SYNPO2L: variants seen among roughly 807,000 people sequenced by gnomAD.
SYNPO2L encodes the protein synaptopodin 2 like, also known as synaptopodin 2-like protein.
A neutral mutation model predicts 47.5 loss-of-function variants in SYNPO2L; 34 were observed. The ratio of observed to expected loss-of-function variants is 0.72; its 90% CI spans 0.54 to 0.95. The LOEUF is 0.95. SYNPO2L is among the 40% of genes least tolerant of loss of function. The probability of loss-of-function intolerance (pLI) is 0.00; values close to 1 mark genes in which losing one functional copy is unlikely to be tolerated. For missense variants in SYNPO2L, 1,246 were observed against 1,282.0 expected, an observed-to-expected ratio of 0.97 and a Z score of 0.43; for synonymous variants, 536 against 524.9, an observed-to-expected ratio of 1.02 and a Z score of -0.29.
intron 3 of SYNPO2L, chr10:73,651,051 A>G: frequency 6.3e-7 from 1 of 1,584,754 alleles, no homozygotes; most frequent in Non-Finnish European, 8.6e-7. Context: ...AGCTTGAGCC[A>G]CCCCCCACGC....
In SYNPO2L at chr10:73,647,290, T is replaced by G. The variant is rs1013228462; in HGVS notation, c.2362A>C (p.Ser788Arg). The G allele has an allele frequency of 1.2e-6, 2 of 1,614,064 alleles. No homozygotes were observed. Among genetic ancestry groups the G allele is most frequent in the Non-Finnish European group, 8.5e-7 (1 of 1,179,986 alleles). ...PGPGLGPRPR[S>R]PSPTPSLPPS... ...GGCAGAGACGGGGTAGGAGAAGGAC[T>G]TCTAGGCCGAGGGCCAAGACCAGGA... The change falls in exon 4 of 4, where the codon AGT becomes CGT. Residue 788 changes from serine to arginine, a missense_variant. Physicochemically the swap from Ser to Arg is moderately radical, Grantham distance 110. Coordinates refer to ENST00000394810, the MANE Select transcript of SYNPO2L (RefSeq NM_001114133.3).
chr10:73,655,694 ACC>A, intron 1 of SYNPO2L, 122 bp downstream of exon 1: 1 of 62,960 alleles, frequency 1.6e-5, no homozygotes, highest in Non-Finnish European at 3.2e-5. Context: ...TTCCCTGCCC[ACC>A]ACCCACCCCA....
At position 73,648,078 on chromosome 10, in the gene SYNPO2L, A is replaced by G; in HGVS notation, c.1574T>C (p.Val525Ala). The change falls in exon 4 of 4, where the codon GTT becomes GCT. Residue 525 changes from valine to alanine, a missense_variant. Physicochemically the swap from Val to Ala is moderately conservative, Grantham distance 64. Transcript: ENST00000394810. ...PTPLPSFTSG[V>A]PSHAPVSGSP... is the part of the protein sequence containing the mutation. ...ACCAGAGACTGGCGCGTGGCTGGGA[A>G]CCCCTGAAGTGAAGCTGGGCAGAGG... 1 of 1,565,146 alleles carries G rather than the reference A, an allele frequency of 6.4e-7. No individual in the cohort carries two copies. The highest frequency in any genetic ancestry group is 1.2e-5 in the South Asian group (1 of 83,952).
intron 3 of SYNPO2L, among the ~76,000 whole-genome samples, chr10:73,651,256 G>A (rs1164796503): frequency 6.6e-6 from 1 of 152,112 alleles, no homozygotes; most frequent in African/African-American, 2.4e-5. Flanking sequence ...ATATCTCTGA[G>A]CCAGTAGCTA....
Position 73,645,859 on chromosome 10 carries a change from C to T in SYNPO2L, c.*859G>A. The T allele has an allele frequency of 1.0e-6, 1 of 984,880 alleles. No individual in the cohort carries two copies. The highest frequency in any genetic ancestry group is 6.1e-5 in the Admixed American group (1 of 16,280). 61.0% of individuals were successfully genotyped at this position (984,880 alleles called of 1,614,324 possible). A position where few individuals can be genotyped will look rare whatever the true frequency, so the allele number is the denominator to read the frequency against. ...GTTTGTTTTGAGACAGAGTCTCGCT[C>T]CGTCGCCCAGGCTGGAGTGCAGTGG... On this transcript the variant is annotated 3_prime_UTR_variant, in exon 4 of 4. Transcript: ENST00000394810.
At position 73,647,052 on chromosome 10, in the gene SYNPO2L, A is replaced by T; in HGVS notation, c.2600T>A (p.Val867Asp). The T allele has an allele frequency of 6.2e-7, 1 of 1,613,752 alleles. No individual in the cohort carries two copies. Among genetic ancestry groups the T allele is most frequent in the Non-Finnish European group, 8.5e-7 (1 of 1,179,890 alleles). ...LKTAMFCFDEVPPTPGPIASG... is the reference protein window; with the variant it reads ...LKTAMFCFDEDPPTPGPIASG... ...GGCGATAGGGCCAGGAGTCGGGGGA[A>T]CCTCATCAAAACAGAACATGGCAGT... The change falls in exon 4 of 4, where the codon GTT becomes GAT. Residue 867 changes from valine to aspartate, a missense_variant. By Grantham distance (152) the Val-to-Asp change is radical. Transcript: ENST00000394810.
intron 1 of SYNPO2L, among the ~76,000 whole-genome samples, chr10:73,655,280 G>C (rs1050526548): frequency 6.6e-6 from 1 of 152,168 alleles, no homozygotes; most frequent in Non-Finnish European, 1.5e-5. Context: ...TGTGAGGCCA[G>C]ATCTTGCCAT....
intron 3 of SYNPO2L, among the ~76,000 whole-genome samples, chr10:73,652,365 C>T (rs2081848329): frequency 6.6e-6 from 1 of 152,030 alleles, no homozygotes; most frequent in Admixed American, 6.5e-5. Context: ...GTTGTCCAGG[C>T]TGGTCTCAAA....
chr10:73,648,990 A>T, intron 3 of SYNPO2L, 111 bp from the exon 4 acceptor site: 2 of 1,347,956 alleles, frequency 1.5e-6, no homozygotes, highest in Non-Finnish European at 1.9e-6. Flanking sequence ...CACTGACCCG[A>T]CCCACAATGT....
At position 73,645,860 on chromosome 10, in the gene SYNPO2L, C is replaced by CGT. The variant is rs2081741329; in HGVS notation, c.*856_*857dup. The CGT allele has an allele frequency of 1.0e-6, 1 of 985,446 alleles. No homozygotes were observed. Among genetic ancestry groups the CGT allele is most frequent in the African/African-American group, 1.7e-5 (1 of 57,172 alleles). The allele number at this position is 985,446 out of a possible 1,614,324, so 61.0% of individuals were successfully genotyped here. On this transcript the variant is annotated 3_prime_UTR_variant, in exon 4 of 4. Transcript: ENST00000394810. ...TTTGTTTTGAGACAGAGTCTCGCTCCGTCGCCCAGGCTGGAGTGCAGTGGC... is the reference window on the plus strand; with the variant it reads ...TTTGTTTTGAGACAGAGTCTCGCTCCGTGTCGCCCAGGCTGGAGTGCAGTGGC...
rs139351387 is a variant in SYNPO2L at position 73,648,382 on chromosome 10, G to C, written c.1270C>G (p.Arg424Gly). The C allele has an allele frequency of 4.4e-5, 71 of 1,606,988 alleles. No homozygotes were observed. The highest frequency in any genetic ancestry group is 6.0e-5 in the Non-Finnish European group (71 of 1,179,644). ...LNGEGLQSPP[R>G]AQSAPPEAAV... ...GCCTCTGGGGGAGCACTCTGGGCCC[G>C]AGGTGGTGACTGCAGGCCTTCCCCG... The change falls in exon 4 of 4, where the codon CGG (arginine) becomes GGG (glycine). Residue 424 changes from arginine (R) to glycine (G), a missense_variant. Coordinates refer to ENST00000394810, the MANE Select transcript of SYNPO2L (RefSeq NM_001114133.3).
In SYNPO2L at chr10:73,648,731, C is replaced by T. The variant is rs753926604; in HGVS notation, c.921G>A (p.Lys307=). ...MFKKRRQRAK[K]YTLVSFGAAA... is the part of the protein sequence containing the mutation. Reference sequence around the variant, plus strand: ...CAGCCCCGAAGCTCACCAGGGTGTACTTCTTGGCTCTCTGCCGCCGTTTCT... The same window carrying T: ...CAGCCCCGAAGCTCACCAGGGTGTATTTCTTGGCTCTCTGCCGCCGTTTCT... The change falls in exon 4 of 4, where the codon AAG becomes AAA. Residue 307 remains lysine (K), a synonymous_variant. Coordinates refer to ENST00000394810, the MANE Select transcript of SYNPO2L (RefSeq NM_001114133.3). The T allele has an allele frequency of 1.2e-6, 2 of 1,612,604 alleles. No homozygotes were observed. Among genetic ancestry groups the T allele is most frequent in the Non-Finnish European group, 8.5e-7 (1 of 1,178,964 alleles).
chr10:73,648,122 C>G lies in SYNPO2L; in HGVS notation c.1530G>C (p.Leu510Phe), dbSNP rs1193500156. The G allele has an allele frequency of 6.5e-7, 1 of 1,533,314 alleles. No homozygotes were observed. The highest frequency in any genetic ancestry group is 8.8e-7 in the Non-Finnish European group (1 of 1,142,240). The allele number at this position is 1,533,314 out of a possible 1,614,324, so 95.0% of individuals were successfully genotyped here. Residue 510 changes from leucine to phenylalanine, a missense_variant, in exon 4 of 4, where the codon TTG becomes TTC. Leu to Phe is a conservative substitution (Grantham distance 22). Transcript: ENST00000394810. ...GGLSPAPPPF[L>F]SSQGPTPLPS... is the part of the protein sequence containing the mutation. The stretch of plus-strand genomic sequence containing the variant: ...GCAGAGGGGTGGGCCCCTGCGAAGA[C>G]AAGAAGGGGGGTGGGGCGGGGCTGA...
chr10:73,648,542 C>T lies in SYNPO2L; in HGVS notation c.1110G>A (p.Glu370=), dbSNP rs760167416. Residue 370 remains glutamate, a synonymous_variant, in exon 4 of 4, where the codon GAG becomes GAA. Transcript: ENST00000394810. ...GCCCTCCCAGCCCAGAGCCCTGGCC[C>T]TCTGATGCTCTTGAGCCCGCCCTGG... ...ELARAGSRAS[E]GQGSGLGGQL... is the part of the protein sequence containing the mutation. 3.1e-6 allele frequency: 5 copies of T among 1,614,058 alleles called. No homozygotes were observed. The highest frequency in any genetic ancestry group is 1.7e-5 in the Admixed American group (1 of 60,002).
At chr10:73,653,695 A>G (rs772079270) in intron 2 of SYNPO2L, 42 bp from the exon 3 acceptor site, 43 of 1,498,482 alleles carry the variant, frequency 2.9e-5, no homozygotes, top group Non-Finnish European at 3.8e-5. Flanking sequence ...TGGGCTGGGT[A>G]CTGACAGCTA....
At position 73,647,002 on chromosome 10, in the gene SYNPO2L, C is replaced by T. The variant is rs756322563; in HGVS notation, c.2650G>A (p.Val884Ile). The T allele has an allele frequency of 1.4e-5, 22 of 1,613,388 alleles. No individual in the cohort carries two copies. The highest frequency in any genetic ancestry group is 2.2e-5 in the South Asian group (2 of 91,044). ...IASGSPKTAR[V>I]QEIRRFSTPA... ...GTGGAAAACCGGCGAATCTCCTGGACTCGGGCAGTTTTGGGGGACCCTGAG... is the reference window on the plus strand; with the variant it reads ...GTGGAAAACCGGCGAATCTCCTGGATTCGGGCAGTTTTGGGGGACCCTGAG... Residue 884 changes from valine (V) to isoleucine (I), a missense_variant, in exon 4 of 4, where the codon GTC (valine) becomes ATC (isoleucine). Around this residue, in one of 3 missense-constraint regions of SYNPO2L, gnomAD observed 1,037 missense variants for 1,021.5 expected, o/e 1.02. Coordinates refer to ENST00000394810, the MANE Select transcript of SYNPO2L (RefSeq NM_001114133.3).
chr10:73,651,141 C>G lies in SYNPO2L; in HGVS notation c.772+1998G>C, dbSNP rs563221000. 2.0e-5 allele frequency: 27 copies of G among 1,337,056 alleles called. No individual in the cohort carries two copies. In the African/African-American group the frequency reaches 3.3e-4, roughly 16 times the overall value. The allele number at this position is 1,337,056 out of a possible 1,614,324, so 82.8% of individuals were successfully genotyped here. A position where few individuals can be genotyped will look rare whatever the true frequency, so the allele number is the denominator to read the frequency against. On this transcript the variant is annotated intron_variant, in intron 3 of 3. Coordinates refer to ENST00000394810, the MANE Select transcript of SYNPO2L (RefSeq NM_001114133.3). The stretch of plus-strand genomic sequence containing the variant: ...TGCTATTTTTGGAGCCTGGCCCTCT[C>G]CCTTCTCTGGGCTGCCCCACAAGTG...
intron 1 of SYNPO2L, 70 bp downstream of exon 1, chr10:73,655,748 C>T: frequency 1.4e-6 from 1 of 737,458 alleles, no homozygotes. Context: ...CCATATGCCA[C>T]CACACATCTC....
In SYNPO2L at chr10:73,653,145, G is replaced by C. The variant is rs767628965; in HGVS notation, c.766C>G (p.Gln256Glu). The C allele has an allele frequency of 7.9e-5, 115 of 1,447,832 alleles. No homozygotes were observed. The highest frequency in any genetic ancestry group is 3.6e-4 in the Middle Eastern group (2 of 5,518). 89.7% of individuals were successfully genotyped at this position (1,447,832 alleles called of 1,614,324 possible). The change falls in exon 3 of 4, where the codon CAA becomes GAA. Residue 256 changes from glutamine to glutamate, a missense_variant. Gln to Glu is a conservative substitution (Grantham distance 29). Transcript: ENST00000394810. ...LTTTYTQKAK[Q>E]AKLQRAESLQ... ...AAGGGGTTCAGGCACTCACTGGCTT[G>C]CTTGGCCTTCTGGGTGTAGGTGGTA...
Sources: allele counts gnomAD v4.1 joint callset (sites outside exome capture counted in the v4.1 genomes callset), GRCh38; gene constraint gnomAD v4.1.1; regional missense constraint gnomAD v4.1.1; transcripts MANE v1.5; gene names NCBI Gene and HGNC (gene_info 2026-07-23, HGNC 2026-07-21).